The following COX4I1 variants were observed in gnomAD, a reference collection of about 807,000 sequenced individuals.
COX4I1 encodes the protein cytochrome c oxidase subunit 4I1, also known as cytochrome c oxidase subunit 4 isoform 1, mitochondrial.
COX4I1 carries 18 observed loss-of-function variants against 21.7 expected under a neutral mutation model. That is an observed-to-expected ratio of 0.83 (90% confidence interval 0.57 to 1.23). The LOEUF is 1.23. Ranked by LOEUF, COX4I1 falls within the 50% of genes most tolerant of loss-of-function variation. COX4I1 has a pLI of 0.00. For missense variants in COX4I1, 238 were observed against 220.7 expected, an observed-to-expected ratio of 1.08 and a Z score of -0.50; for synonymous variants, 100 against 81.5, an observed-to-expected ratio of 1.23 and a Z score of -1.23.
chr16:85,801,137 C>A lies in COX4I1; in HGVS notation c.-1-68C>A, dbSNP rs539207920. ...AAAAAAATTCCAAAATGCTCTGGGG[C>A]AAAAAGAAGACTAATTCCTTGCTGT... On this transcript the variant is annotated intron_variant, in intron 1 of 4. Coordinates refer to ENST00000253452, the MANE Select transcript of COX4I1 (RefSeq NM_001861.6). 1.3e-4 allele frequency: 179 copies of A among 1,377,090 alleles called. 1 individual carries two copies. The highest frequency in any genetic ancestry group is 7.0e-4 in the South Asian group (57 of 81,852). The allele number at this position is 1,377,090 out of a possible 1,614,324, so 85.3% of individuals were successfully genotyped here.
In COX4I1 at chr16:85,800,645, CGGACTCTTGCTCTGGTTGCCCAGGCTG is replaced by C. The variant is rs547412007; in HGVS notation, c.-1-557_-1-531del. Among the ~76,000 whole-genome samples, 3 of 152,188 alleles carry C rather than the reference CGGACTCTTGCTCTGGTTGCCCAGGCTG, an allele frequency of 2.0e-5. No homozygotes were observed. The East Asian group carries it at 5.8e-4, about 29-fold the overall frequency. On this transcript the variant is annotated intron_variant, in intron 1 of 4. Coordinates refer to ENST00000253452, the MANE Select transcript of COX4I1 (RefSeq NM_001861.6). ...TCTTCTTGCCTTTTTTTGTTTGAGA[CGGACTCTTGCTCTGGTTGCCCAGGCTG>C]GGGTGCAGTGGTGCGGTCTCGGCTC...
At position 85,805,780 on chromosome 16, in the gene COX4I1, T is replaced by A. The variant is rs562155866; in HGVS notation, c.289T>A (p.Ser97Thr). 1 of 1,614,242 alleles carries A rather than the reference T, an allele frequency of 6.2e-7. No individual in the cohort carries two copies. The highest frequency in any genetic ancestry group is 1.1e-5 in the South Asian group (1 of 91,084). ...GAGCTTTGCTGAGATGAACAGGGGCTCGAACGAGTGGAAGACGGTTGTGGG... is the reference window on the plus strand; with the variant it reads ...GAGCTTTGCTGAGATGAACAGGGGCACGAACGAGTGGAAGACGGTTGTGGG... ...KESFAEMNRG[S>T]NEWKTVVGGA... The change falls in exon 4 of 5, where the codon TCG (serine) becomes ACG (threonine). Residue 97 changes from serine (S) to threonine (T), a missense_variant. Coordinates refer to ENST00000253452, the MANE Select transcript of COX4I1 (RefSeq NM_001861.6).
chr16:85,799,728 C>T lies in COX4I1; in HGVS notation c.-26C>T, dbSNP rs1484410853. The T allele has an allele frequency of 1.3e-5, 2 of 157,962 alleles. No individual in the cohort carries two copies. Among genetic ancestry groups the T allele is most frequent in the Non-Finnish European group, 2.8e-5 (2 of 72,272 alleles). The allele number at this position is 157,962 out of a possible 1,614,324, so 9.8% of individuals were successfully genotyped here. On this transcript the variant is annotated 5_prime_UTR_variant, in exon 1 of 5. Coordinates refer to ENST00000253452, the MANE Select transcript of COX4I1 (RefSeq NM_001861.6). This position sits in a 1 kb window ranked among gnomAD's most constrained non-coding sequence, Gnocchi z 4.2. Reference sequence around the variant, plus strand: ...GTCGCGGGACACCGGGTGTAGAGGGCGGTCGCGGCGGGCAGTGGCGGCAGG... The same window carrying T: ...GTCGCGGGACACCGGGTGTAGAGGGTGGTCGCGGCGGGCAGTGGCGGCAGG...
At chr16:85,801,673 C>T (rs1276375623) in intron 2 of COX4I1, among the ~76,000 whole-genome samples, 2 of 152,152 alleles carry the variant, frequency 1.3e-5, no homozygotes, top group Non-Finnish European at 2.9e-5. Flanking sequence ...ACGAAAGAGC[C>T]TGGACTTCCT....
chr16:85,803,852 C>G (rs576373586), intron 2 of COX4I1: 1 of 152,290 alleles, frequency 6.6e-6, no homozygotes, highest in Non-Finnish European at 1.5e-5. Context: ...AGGTCGGCCT[C>G]GTCCTGTGGA....
chr16:85,802,775 T>G lies in COX4I1; in HGVS notation c.73+1497T>G, dbSNP rs1299659004. ...AAAGAAATGTTTGGTATATTAACCATTGATTTTCCCTTAATTGCTGGGGGA... is the reference window on the plus strand; with the variant it reads ...AAAGAAATGTTTGGTATATTAACCAGTGATTTTCCCTTAATTGCTGGGGGA... On this transcript the variant is annotated intron_variant, in intron 2 of 4. Transcript: ENST00000253452. 2.6e-5 allele frequency among the ~76,000 whole-genome samples: 4 copies of G among 152,214 alleles called. 1 individual carries two copies. The highest frequency in any genetic ancestry group is 9.7e-5 in the African/African-American group (4 of 41,442).
chr16:85,806,777 T>G lies in COX4I1; in HGVS notation c.413T>G (p.Val138Gly). ...PLPQSFDKEW[V>G]AKQTKRMLDM... is the part of the protein sequence containing the mutation. ...CCGCAAAGCTTTGACAAAGAGTGGG[T>G]GGCCAAGCAGACCAAGAGGATGCTG... Residue 138 changes from valine to glycine, a missense_variant, in exon 5 of 5, where the codon GTG becomes GGG. By Grantham distance (109) the Val-to-Gly change is moderately radical. Coordinates refer to ENST00000253452, the MANE Select transcript of COX4I1 (RefSeq NM_001861.6). 6.2e-7 allele frequency: 1 copy of G among 1,614,108 alleles called. No individual in the cohort carries two copies.
chr16:85,806,440 C>A, intron 4 of COX4I1: 2 of 702,638 alleles, frequency 2.8e-6, no homozygotes, highest in East Asian at 2.7e-5. Flanking sequence ...AGACCCGAAT[C>A]TATTTGATCT....
intron 1 of COX4I1, 121 bp from the exon 2 acceptor site, chr16:85,801,084 G>T: frequency 1.4e-6 from 1 of 706,470 alleles, no homozygotes; most frequent in Non-Finnish European, 2.5e-6. Flanking sequence ...GATAAAGAAT[G>T]GATCATTTGC....
chr16:85,806,506 G>A lies in COX4I1; in HGVS notation c.374-232G>A, dbSNP rs1309727218. On this transcript the variant is annotated intron_variant, in intron 4 of 4. Transcript: ENST00000253452. ...TCCTGTTATCCATAGCCTTTAGAGAGGACCTTCTGCTTTTAGCTTATTTTG... is the reference window on the plus strand; with the variant it reads ...TCCTGTTATCCATAGCCTTTAGAGAAGACCTTCTGCTTTTAGCTTATTTTG... 5.6e-6 allele frequency: 4 copies of A among 714,056 alleles called. No individual in the cohort carries two copies. The South Asian group carries it at 5.9e-5, about 11-fold the overall frequency. 44.2% of individuals were successfully genotyped at this position (714,056 alleles called of 1,614,324 possible).
Position 85,801,312 on chromosome 16 carries a change from G to C in COX4I1, c.73+34G>C, listed in dbSNP as rs1026322677. On this transcript the variant is annotated intron_variant, in intron 2 of 4. Coordinates refer to ENST00000253452, the MANE Select transcript of COX4I1 (RefSeq NM_001861.6). ...GACTTTTCTTACTTTTAAATAGGCT[G>C]AACTAATTTCATTTTGCTCCTGCTG... 8.2e-6 allele frequency: 13 copies of C among 1,576,218 alleles called. No individual in the cohort carries two copies. In the African/African-American group the frequency reaches 1.6e-4, roughly 20 times the overall value.
intron 4 of COX4I1, chr16:85,806,372 C>T: frequency 1.5e-6 from 1 of 666,482 alleles, no homozygotes; most frequent in Admixed American, 2.3e-5. Context: ...GGCATTTTTG[C>T]ATTCTGAATA....
At position 85,807,019 on chromosome 16, in the gene COX4I1, C is replaced by A. The variant is rs1217261763; in HGVS notation, c.*145C>A. On this transcript the variant is annotated 3_prime_UTR_variant, in exon 5 of 5. Coordinates refer to ENST00000253452, the MANE Select transcript of COX4I1 (RefSeq NM_001861.6). Reference sequence around the variant, plus strand: ...TACCTGAAACCCTTTGTGATCAGTTCTTTAATGATACCTAAATGAAAGCTA... The same window carrying A: ...TACCTGAAACCCTTTGTGATCAGTTATTTAATGATACCTAAATGAAAGCTA... 11 of 773,964 alleles carry A rather than the reference C, an allele frequency of 1.4e-5. No homozygotes were observed. Among genetic ancestry groups the A allele is most frequent in the Non-Finnish European group, 2.2e-5 (11 of 492,264 alleles). 47.9% of individuals were successfully genotyped at this position (773,964 alleles called of 1,614,324 possible).
intron 1 of COX4I1, among the ~76,000 whole-genome samples, chr16:85,800,173 T>C (rs929724722): frequency 6.6e-6 from 1 of 152,218 alleles, no homozygotes; most frequent in Non-Finnish European, 1.5e-5. Flanking sequence ...AAGGCGCCTA[T>C]TGTTTGCTCA....
At chr16:85,800,266 G>GT (rs1421321572) in intron 1 of COX4I1, among the ~76,000 whole-genome samples, 3 of 152,238 alleles carry the variant, frequency 2.0e-5, no homozygotes, top group Non-Finnish European at 4.4e-5. Context: ...CCCAAGGAGG[G>GT]TATTTCCCCA....
chr16:85,805,246 GC>G, intron 3 of COX4I1, 142 bp downstream of exon 3: 1 of 790,392 alleles, frequency 1.3e-6, no homozygotes, highest in East Asian at 2.7e-5. Context: ...GGGTCACTGT[GC>G]CAGGGCCCCA....
At position 85,805,726 on chromosome 16, in the gene COX4I1, C is replaced by T. The variant is rs1906137622; in HGVS notation, c.242-7C>T. 1 of 1,614,104 alleles carries T rather than the reference C, an allele frequency of 6.2e-7. No individual in the cohort carries two copies. Among genetic ancestry groups the T allele is most frequent in the Non-Finnish European group, 8.5e-7 (1 of 1,179,944 alleles). ...TGCCTGTAAATGGCTGTCCTCTCTGCCCCCAGTGTATCGCATTAAGTTCAA... is the reference window on the plus strand; with the variant it reads ...TGCCTGTAAATGGCTGTCCTCTCTGTCCCCAGTGTATCGCATTAAGTTCAA... On this transcript the variant is annotated splice_polypyrimidine_tract_variant and splice_region_variant and intron_variant, in intron 3 of 4. Transcript: ENST00000253452.
rs1425649178 is a variant in COX4I1, at chr16:85,801,242, C to T, written c.37C>T (p.Arg13Ter). ...ATRVFSLVGK[R>*]AISTSVCVRA... ...CAGGGTATTTAGCCTAGTTGGCAAGCGAGCAATTTCCACCTCTGTGTGTGT... is the reference window on the plus strand; with the variant it reads ...CAGGGTATTTAGCCTAGTTGGCAAGTGAGCAATTTCCACCTCTGTGTGTGT... Residue 13 changes from arginine to a stop codon, truncating the protein, a stop_gained, in exon 2 of 5, where the codon CGA becomes TGA. Coordinates refer to ENST00000253452, the MANE Select transcript of COX4I1 (RefSeq NM_001861.6). LOFTEE classifies it high-confidence loss of function. 1.9e-6 allele frequency: 3 copies of T among 1,609,956 alleles called. No individual in the cohort carries two copies. Among genetic ancestry groups the T allele is most frequent in the East Asian group, 2.2e-5 (1 of 44,762 alleles).
chr16:85,800,547 A>G (rs190972212), intron 1 of COX4I1, among the ~76,000 whole-genome samples: 1 of 152,268 alleles, frequency 6.6e-6, no homozygotes, highest in Admixed American at 6.5e-5. Flanking sequence ...CTCCCTGAAG[A>G]ATGGAGTCTG....
Sources: gnomAD v4.1 joint callset for allele counts (sites outside exome capture counted in the v4.1 genomes callset) on GRCh38, gnomAD v4.1.1 for gene constraint, Gnocchi (gnomAD v3.1) non-coding constraint, MANE v1.5 for transcripts, NCBI Gene and HGNC (gene_info 2026-07-23, HGNC 2026-07-21) for gene names.